Variants in HHIPL2 observed in about 807,000 individuals in gnomAD.
HHIPL2 encodes the protein HHIP like 2.
HHIPL2 carries 61 observed loss-of-function variants against 61.0 expected under a neutral mutation model. The observed-to-expected ratio is 1.00, with a 90% CI of 0.81 to 1.24. HHIPL2 has a LOEUF of 1.24. Among genes scored for constraint, HHIPL2 ranks in the 50% most tolerant of loss-of-function variants. HHIPL2 has a pLI of 0.00. For synonymous variants in HHIPL2, 343 were observed against 357.4 expected (o/e 0.96, Z 0.45); for missense variants, 885 against 910.2 (o/e 0.97, Z 0.36).
Position 222,538,710 on chromosome 1 carries a change from G to C in HHIPL2, c.1515C>G (p.Val505=). The change falls in exon 5 of 9, where the codon GTC becomes GTG. Residue 505 remains valine, a synonymous_variant. Transcript: ENST00000343410. ...GATTTGGGGATTCACAACCACGATA[G>C]ACATAACCTCCAGTGACTGACTTCC... is the stretch of plus-strand genomic sequence containing the variant. The part of the protein sequence containing the change: ...AVGKSVTGGY[V]YRGCESPNLN... 5 of 1,613,904 alleles carry C rather than the reference G, an allele frequency of 3.1e-6. No homozygotes were observed. Among genetic ancestry groups the C allele is most frequent in the Non-Finnish European group, 4.2e-6 (5 of 1,179,796 alleles).
chr1:222,543,785 C>T lies in HHIPL2; in HGVS notation c.726G>A (p.Trp242Ter). ...FFVAEQVGVV[W>*]VYLPDGSRLE... ...GGCGACTCCCATCAGGGAGGTAGAC[C>T]CACACCACTCCTACCTGCTCGGCAA... The change falls in exon 2 of 9, where the codon TGG becomes TGA. Residue 242 changes from tryptophan (W) to a stop codon, truncating the protein, a stop_gained. Coordinates refer to ENST00000343410, the MANE Select transcript of HHIPL2 (RefSeq NM_024746.4). LOFTEE classifies it high-confidence loss of function. The T allele has an allele frequency of 6.2e-7, 1 of 1,614,010 alleles. No homozygotes were observed. Among genetic ancestry groups the T allele is most frequent in the Non-Finnish European group, 8.5e-7 (1 of 1,179,990 alleles).
chr1:222,543,422 C>T lies in HHIPL2; in HGVS notation c.974+115G>A, dbSNP rs562101315. On this transcript the variant is annotated intron_variant, in intron 2 of 8. Transcript: ENST00000343410. The stretch of plus-strand genomic sequence containing the variant: ...TCTCAATCCACAGTGACTCCTTTCT[C>T]AACAGTTCGAGTAGTGCTCTAAAAC... The T allele has an allele frequency of 1.4e-5, 15 of 1,073,230 alleles. No homozygotes were observed. The South Asian group carries it at 2.2e-4, about 16-fold the overall frequency. The allele number at this position is 1,073,230 out of a possible 1,614,324, so 66.5% of individuals were successfully genotyped here.
In HHIPL2 at chr1:222,547,952, GA is replaced by G. The variant is rs749521268; in HGVS notation, c.92del (p.Phe31SerfsTer61). On this transcript the variant is annotated frameshift_variant, in exon 1 of 9. Transcript: ENST00000343410. LOFTEE classifies it high-confidence loss of function. ...SSGILCLCLI[F>X]LLGQVGLLQG... is the part of the protein sequence containing the mutation. ...GCAGCAAGCCCACCTGGCCCAACAA[GA>G]ATATGAGGCAGAGGCAGAGAATGCC... The G allele has an allele frequency of 1.2e-5, 20 of 1,612,728 alleles. No individual in the cohort carries two copies. The highest frequency in any genetic ancestry group is 1.4e-5 in the Non-Finnish European group (17 of 1,179,114).
At chr1:222,535,639 C>A (rs1659285768) in intron 5 of HHIPL2, among the ~76,000 whole-genome samples, 1 of 152,092 alleles carries the variant, frequency 6.6e-6, no homozygotes, top group Non-Finnish European at 1.5e-5. Flanking sequence ...ACTCATGGCC[C>A]CACATCACGT....
In HHIPL2 at chr1:222,528,442, A is replaced by T. The variant is rs1284676289; in HGVS notation, c.1724-1392T>A. The stretch of plus-strand genomic sequence containing the variant: ...GCCAACATGGCAAAACCCCCTCTCT[A>T]CTAAAAATACAAAAATTATCCAGGC... On this transcript the variant is annotated intron_variant, in intron 6 of 8. Transcript: ENST00000343410. Among the ~76,000 whole-genome samples the T allele has an allele frequency of 2.0e-5, 3 of 152,112 alleles. No homozygotes were observed. The East Asian group carries it at 5.8e-4, about 29-fold the overall frequency.
chr1:222,530,661 A>G (rs1012997464), intron 6 of HHIPL2, among the ~76,000 whole-genome samples: 3 of 152,230 alleles, frequency 2.0e-5, no homozygotes, highest in African/African-American at 7.2e-5. Context: ...CTCATGGCCC[A>G]GAGGGGAAAG....
chr1:222,539,999 T>A lies in HHIPL2; in HGVS notation c.1450+11A>T, dbSNP rs201077190. The A allele has an allele frequency of 6.6e-5, 106 of 1,608,922 alleles. No homozygotes were observed. The highest frequency in any genetic ancestry group is 8.8e-5 in the Non-Finnish European group (104 of 1,176,342). On this transcript the variant is annotated intron_variant, in intron 4 of 8. Transcript: ENST00000343410. ...TCATCCAAGAAATCACCCAGAGAGC[T>A]TCTTACTTACCCAAAGAGGCATTGT...
intron 7 of HHIPL2, 106 bp from the exon 8 acceptor site, chr1:222,523,800 A>C: frequency 9.9e-7 from 1 of 1,010,082 alleles, no homozygotes; most frequent in East Asian, 2.4e-5. Context: ...GTCAGCCTTT[A>C]CTTATCCATG....
At chr1:222,525,256 C>G (rs78890662) in intron 7 of HHIPL2, 1 of 152,110 alleles carries the variant, frequency 6.6e-6, no homozygotes, top group African/African-American at 2.4e-5. Context: ...ACATAGGAAG[C>G]CTGTTAATGG....
At chr1:222,540,954 T>A (rs1659419576) in intron 3 of HHIPL2, among the ~76,000 whole-genome samples, 1 of 152,184 alleles carries the variant, frequency 6.6e-6, no homozygotes, top group South Asian at 2.1e-4. Context: ...TTTAATATAT[T>A]GGCCAGGTGC....
At chr1:222,534,669 TACACACACAC>T (rs10650864) in intron 5 of HHIPL2, among the ~76,000 whole-genome samples, 1 of 148,194 alleles carries the variant, frequency 6.7e-6, no homozygotes, top group Non-Finnish European at 1.5e-5. Flanking sequence ...ACATTGAGAT[TACACACACAC>T]ACACACACAC....
At chr1:222,537,329 TACTGTGTAACATCACACC>T (rs1221976799) in intron 5 of HHIPL2, among the ~76,000 whole-genome samples, 2 of 150,990 alleles carry the variant, frequency 1.3e-5, no homozygotes, top group Non-Finnish European at 3.0e-5. Context: ...GGTGTGATGT[TACTGTGTAACATCACACC>T]AATATGATGG....
At chr1:222,533,355 A>C (rs111733130) in intron 5 of HHIPL2, among the ~76,000 whole-genome samples, 19,593 of 144,588 alleles carry the variant, frequency 0.14, 1,780 homozygotes, top group African/African-American at 0.27. Flanking sequence ...ACAGAGGGAG[A>C]CTCTGTCTCA....
chr1:222,539,807 A>C (rs1659389432), intron 4 of HHIPL2, among the ~76,000 whole-genome samples: 2 of 152,188 alleles, frequency 1.3e-5, no homozygotes, highest in Non-Finnish European at 2.9e-5. Context: ...CTAGGAATTC[A>C]CTTTTTTAAA....
chr1:222,523,723 C>A lies in HHIPL2; in HGVS notation c.1806-29G>T, dbSNP rs140887199. On this transcript the variant is annotated intron_variant, in intron 7 of 8. Transcript: ENST00000343410. Reference sequence around the variant, plus strand: ...AAAACACAAACAGAAAGCATGAGGACGCAAGACTCTGAAGATGCAACCGGA... The same window carrying A: ...AAAACACAAACAGAAAGCATGAGGAAGCAAGACTCTGAAGATGCAACCGGA... 7.5e-6 allele frequency: 12 copies of A among 1,608,234 alleles called. No homozygotes were observed. In the South Asian group the frequency reaches 1.2e-4, roughly 16 times the overall value.
intron 6 of HHIPL2, among the ~76,000 whole-genome samples, chr1:222,530,139 T>C (rs17163155): frequency 0.035 from 5,370 of 151,936 alleles, 575 homozygotes; most frequent in East Asian, 0.27. Context: ...GACTGTGTTT[T>C]GTTTGCCAGA....
rs147794680 is a variant in HHIPL2 at position 222,543,762 on chromosome 1, C to T, written c.749G>A (p.Arg250His). Residue 250 changes from arginine to histidine, a missense_variant, in exon 2 of 9, where the codon CGC becomes CAC. By Grantham distance (29) the Arg-to-His change is conservative (BLOSUM62 0). Transcript: ENST00000343410. ...VVWVYLPDGS[R>H]LEQPFLDLKN... Reference sequence around the variant, plus strand: ...GAGGTCCAGGAAGGGTTGCTCCAGGCGACTCCCATCAGGGAGGTAGACCCA... The same window carrying T: ...GAGGTCCAGGAAGGGTTGCTCCAGGTGACTCCCATCAGGGAGGTAGACCCA... 100 of 1,614,112 alleles carry T rather than the reference C, an allele frequency of 6.2e-5. No homozygotes were observed. The highest frequency in any genetic ancestry group is 5.0e-4 in the Middle Eastern group (3 of 6,060).
rs1260166941 is a variant in HHIPL2, at chr1:222,526,962, A to G, written c.1805+7T>C. The G allele has an allele frequency of 6.2e-7, 1 of 1,608,708 alleles. No homozygotes were observed. The highest frequency in any genetic ancestry group is 8.5e-7 in the Non-Finnish European group (1 of 1,176,044). On this transcript the variant is annotated splice_region_variant and intron_variant, in intron 7 of 8. Transcript: ENST00000343410. ...GCATTTGAGAAGAAAATGACATCAA[A>G]TCTCACCTTGAGGGGTCAACAAACT...
intron 6 of HHIPL2, among the ~76,000 whole-genome samples, chr1:222,530,379 C>A (rs1451981314): frequency 2.6e-5 from 4 of 152,186 alleles, no homozygotes; most frequent in Non-Finnish European, 5.9e-5. Flanking sequence ...CCACCACCGC[C>A]TGCAGCTTTC....
Sources: allele counts gnomAD v4.1 joint callset (sites outside exome capture counted in the v4.1 genomes callset), GRCh38; gene constraint gnomAD v4.1.1; transcripts MANE v1.5; gene names NCBI Gene and HGNC (gene_info 2026-07-23, HGNC 2026-07-21).